Variants in ST18 observed in about 807,000 individuals in gnomAD.
ST18 encodes the protein suppression of tumorigenicity 18 protein.
Under a neutral mutation model 110.0 loss-of-function variants are expected in ST18, and 50 were observed. The ratio of observed to expected loss-of-function variants is 0.45; its 90% CI spans 0.36 to 0.58. ST18 has a LOEUF of 0.58. Ranked by LOEUF, ST18 falls within the 20% of genes least tolerant of loss-of-function variation. The probability of loss-of-function intolerance (pLI) is 0.00; values close to 1 mark genes in which losing one functional copy is unlikely to be tolerated. For synonymous variants in ST18, 461 were observed against 452.4 expected (o/e 1.02, Z -0.24); for missense variants, 1,306 against 1,280.1 (o/e 1.02, Z -0.31).
At chr8:52,399,816 T>C (rs1842335787) in intron 2 of ST18, among the ~76,000 whole-genome samples, 1 of 152,086 alleles carries the variant, frequency 6.6e-6, no homozygotes, top group South Asian at 2.1e-4. Flanking sequence ...TTCAATCTTC[T>C]ATGGGACTGA....
intron 2 of ST18, among the ~76,000 whole-genome samples, chr8:52,346,719 C>T (rs1479916581): frequency 6.6e-6 from 1 of 152,088 alleles, no homozygotes; most frequent in East Asian, 1.9e-4. Context: ...AATGTTAGCT[C>T]CAGCAAAACT....
chr8:52,161,547 A>C lies in ST18; in HGVS notation c.1422T>G (p.Ile474Met), dbSNP rs1270172837. ...TGGCTTGTGACGGGAAATTGAATTC[A>C]ATTTGCTTCACCAAACTTGTCCTGG... ...QAHRTSLVKQ[I>M]EFNFPSQAIT... Residue 474 changes from isoleucine (I) to methionine (M), a missense_variant, in exon 14 of 26, where the codon ATT becomes ATG. By Grantham distance (10) the Ile-to-Met change is conservative. Transcript: ENST00000689386. 2.5e-6 allele frequency: 4 copies of C among 1,614,180 alleles called. No individual in the cohort carries two copies. The highest frequency in any genetic ancestry group is 3.4e-6 in the Non-Finnish European group (4 of 1,180,020).
intron 2 of ST18, among the ~76,000 whole-genome samples, chr8:52,379,065 A>G (rs1231490762): frequency 3.3e-5 from 5 of 150,566 alleles, no homozygotes. Flanking sequence ...TGCTATCTAC[A>G]CATTTTCTTT....
chr8:52,405,363 C>T (rs1363327551), intron 2 of ST18: 1 of 152,182 alleles, frequency 6.6e-6, no homozygotes, highest in Admixed American at 6.5e-5. Flanking sequence ...TCTAAAACTG[C>T]CTATGCGCAG....
intron 2 of ST18, among the ~76,000 whole-genome samples, chr8:52,320,374 T>C (rs897981250): frequency 6.6e-6 from 1 of 151,968 alleles, no homozygotes; most frequent in African/African-American, 2.4e-5. Context: ...GTTCCTACTA[T>C]TGATTTTTTT....
chr8:52,125,818 C>A, intron 23 of ST18: 1 of 499,338 alleles, frequency 2.0e-6, no homozygotes, highest in South Asian at 3.0e-5. Flanking sequence ...ATCCATCATA[C>A]CCCACTGCCT....
intron 3 of ST18, among the ~76,000 whole-genome samples, chr8:52,224,094 G>A (rs1006049694): frequency 3.3e-5 from 5 of 152,180 alleles, no homozygotes; most frequent in African/African-American, 4.8e-5. Context: ...TTGGAATGAT[G>A]AAAAAGAGCA....
At chr8:52,318,784 C>T (rs1285650791) in intron 2 of ST18, among the ~76,000 whole-genome samples, 2 of 152,124 alleles carry the variant, frequency 1.3e-5, no homozygotes, top group Non-Finnish European at 2.9e-5. Flanking sequence ...TTTGCAGGGA[C>T]ATGGATGGAT....
chr8:52,213,461 T>C (rs963398295), intron 7 of ST18, among the ~76,000 whole-genome samples: 5 of 137,392 alleles, frequency 3.6e-5, no homozygotes, highest in African/African-American at 1.1e-4. Flanking sequence ...GGAGGGTGGG[T>C]TGGGGTGGGT....
intron 25 of ST18, among the ~76,000 whole-genome samples, chr8:52,115,792 T>C (rs1242129190): frequency 6.6e-6 from 1 of 152,180 alleles, no homozygotes; most frequent in Admixed American, 6.5e-5. Context: ...TGTTCATTTT[T>C]TTTTGCTTTT....
chr8:52,155,570 G>A lies in ST18; in HGVS notation c.1806+3328C>T, dbSNP rs573393828. On this transcript the variant is annotated intron_variant, in intron 15 of 25. Transcript: ENST00000689386. ...GATGACCATGTGAACAGCAGCATGA[G>A]CCTTCTGTGTTGGGAAGGGGTGGAT... 2.0e-5 allele frequency among the ~76,000 whole-genome samples: 3 copies of A among 152,276 alleles called. No individual in the cohort carries two copies. In the South Asian group the frequency reaches 6.2e-4, roughly 32 times the overall value.
chr8:52,357,219 C>T (rs915973204), intron 2 of ST18, among the ~76,000 whole-genome samples: 1 of 151,970 alleles, frequency 6.6e-6, no homozygotes, highest in African/African-American at 2.4e-5. Context: ...GTGTTACAAG[C>T]AATGTAATTA....
At chr8:52,295,231 G>T (rs2095613803) in intron 2 of ST18, among the ~76,000 whole-genome samples, 1 of 152,210 alleles carries the variant, frequency 6.6e-6, no homozygotes, top group African/African-American at 2.4e-5. Flanking sequence ...AAGATTGGTT[G>T]TATACAGGTA....
rs1451759588 is a variant in ST18, at chr8:52,118,441, C to T, written c.2756G>A (p.Gly919Glu). Residue 919 changes from glycine to glutamate, a missense_variant and splice_region_variant, in exon 24 of 26, where the codon GGA (glycine) becomes GAA (glutamate). Coordinates refer to ENST00000689386, the MANE Select transcript of ST18 (RefSeq NM_001352837.2). ...LMTIKLKATG[G>E]IESDEEIRHL... The stretch of plus-strand genomic sequence containing the variant: ...CCTAATTTCTTCATCACTCTCTATT[C>T]CTGTAAAGAGTAAGACTACCTTAGT... 1.9e-6 allele frequency: 3 copies of T among 1,578,990 alleles called. No individual in the cohort carries two copies. The highest frequency in any genetic ancestry group is 2.6e-6 in the Non-Finnish European group (3 of 1,152,632).
rs112455317 is a variant in ST18 at position 52,204,588 on chromosome 8, G to A, written c.86+7491C>T. Among the ~76,000 whole-genome samples, 507 of 152,220 alleles carry A rather than the reference G, an allele frequency of 3.3e-3. 2 individuals carry two copies. Among genetic ancestry groups the A allele is most frequent in the African/African-American group, 0.01 (425 of 41,526 alleles). ...GTTTGTTACCGATGCTGTGAATTGC[G>A]TATCCACTGAAACATCTAATACTAT... On this transcript the variant is annotated intron_variant, in intron 8 of 25. Transcript: ENST00000689386.
chr8:52,215,876 T>C (rs891665758), intron 6 of ST18, among the ~76,000 whole-genome samples: 3 of 152,196 alleles, frequency 2.0e-5, no homozygotes, highest in Non-Finnish European at 4.4e-5. Context: ...GGCTCAACTC[T>C]AGCGAATGCC....
chr8:52,293,459 T>C (rs2139387898), intron 2 of ST18, among the ~76,000 whole-genome samples: 1 of 152,346 alleles, frequency 6.6e-6, no homozygotes, highest in African/African-American at 2.4e-5. Flanking sequence ...CCGCTTAGTG[T>C]TGAAACAGCT....
chr8:52,324,006 C>G (rs1199787976), intron 2 of ST18, among the ~76,000 whole-genome samples: 1 of 152,226 alleles, frequency 6.6e-6, no homozygotes, highest in Non-Finnish European at 1.5e-5. Flanking sequence ...TGACAGGGAA[C>G]TTCATCTGCC....
intron 2 of ST18, among the ~76,000 whole-genome samples, chr8:52,254,525 A>G (rs2094464410): frequency 6.6e-6 from 1 of 152,094 alleles, no homozygotes; most frequent in Non-Finnish European, 1.5e-5. Context: ...TTTTCATCAC[A>G]TGATTGCTGT....
Sources: gnomAD v4.1 joint callset for allele counts (sites outside exome capture counted in the v4.1 genomes callset) on GRCh38, gnomAD v4.1.1 for gene constraint, MANE v1.5 for transcripts, NCBI Gene and HGNC (gene_info 2026-07-23, HGNC 2026-07-21) for gene names.